ZBTB20: variants seen among roughly 807,000 people sequenced by gnomAD.
The protein encoded by ZBTB20 is zinc finger and BTB domain-containing protein 20.
In ZBTB20, 9 loss-of-function variants were observed where a neutral mutation model predicts 56.9. The observed-to-expected ratio is 0.16, with a 90% CI of 0.10 to 0.28. The LOEUF (loss-of-function observed/expected upper bound fraction) is 0.28, where lower values mean the gene tolerates loss of function less well. Among genes scored for constraint, ZBTB20 ranks in the 10% least tolerant of loss-of-function variants. ZBTB20 has a pLI of 1.00. For synonymous variants in ZBTB20, 417 were observed against 420.7 expected (o/e 0.99, Z 0.11); for missense variants, 655 against 1,003.0 (o/e 0.65, Z 4.69).
intron 1 of ZBTB20, among the ~76,000 whole-genome samples, chr3:115,106,585 C>T (rs552837927): frequency 5.9e-5 from 9 of 152,152 alleles, no homozygotes; most frequent in Admixed American, 2.0e-4. Flanking sequence ...TGTATCCCAT[C>T]GGGCCCAAGG....
intron 4 of ZBTB20, among the ~76,000 whole-genome samples, chr3:114,802,824 G>A (rs1578935944): frequency 6.6e-6 from 1 of 151,802 alleles, no homozygotes; most frequent in Admixed American, 6.6e-5. Flanking sequence ...TATGGTTAGC[G>A]AAACAAATTC....
chr3:114,923,662 G>C (rs962749595), intron 3 of ZBTB20, among the ~76,000 whole-genome samples: 6 of 152,042 alleles, frequency 3.9e-5, no homozygotes, highest in African/African-American at 1.4e-4. Context: ...TTGGCAAAGA[G>C]TTTTTGGATA....
At chr3:115,125,172 C>A (rs2084291172) in intron 1 of ZBTB20, among the ~76,000 whole-genome samples, 1 of 151,736 alleles carries the variant, frequency 6.6e-6, no homozygotes, top group Admixed American at 6.6e-5. Flanking sequence ...TAAGACCCCA[C>A]CTCTCCAAAA....
chr3:114,595,542 T>G (rs2056240667), intron 6 of ZBTB20, among the ~76,000 whole-genome samples: 1 of 152,182 alleles, frequency 6.6e-6, no homozygotes. Flanking sequence ...CCATCCAACT[T>G]AGGAGTTACT....
At chr3:115,046,717 T>C (rs1429654537) in intron 2 of ZBTB20, among the ~76,000 whole-genome samples, 1 of 152,206 alleles carries the variant, frequency 6.6e-6, no homozygotes, top group Non-Finnish European at 1.5e-5. Flanking sequence ...AAAAACAACA[T>C]TTCCATTCAT....
chr3:114,873,723 C>T (rs2076093254), intron 4 of ZBTB20, among the ~76,000 whole-genome samples: 1 of 152,014 alleles, frequency 6.6e-6, no homozygotes, highest in African/African-American at 2.4e-5. Context: ...TTTCTAAAAC[C>T]ATGTTCCCAT....
intron 7 of ZBTB20, among the ~76,000 whole-genome samples, chr3:114,479,968 T>C (rs904670312): frequency 1.3e-5 from 2 of 152,246 alleles, no homozygotes; most frequent in African/African-American, 4.8e-5. Context: ...TAGACCTTGA[T>C]GGTACAATGA....
chr3:114,660,968 T>C (rs2060690273), intron 6 of ZBTB20, among the ~76,000 whole-genome samples: 1 of 152,128 alleles, frequency 6.6e-6, no homozygotes, highest in Non-Finnish European at 1.5e-5. Flanking sequence ...CTTTTCCCCA[T>C]TGCCTAGGGG....
At chr3:114,955,687 A>T (rs2077222663) in intron 3 of ZBTB20, among the ~76,000 whole-genome samples, 1 of 152,100 alleles carries the variant, frequency 6.6e-6, no homozygotes, top group African/African-American at 2.4e-5. Context: ...GATAGCTCCA[A>T]AGAGGAAAAG....
chr3:115,138,777 G>A (rs75632161), intron 1 of ZBTB20, among the ~76,000 whole-genome samples: 3,697 of 152,172 alleles, frequency 0.024, 54 homozygotes, highest in Non-Finnish European at 0.031. Context: ...CTCAGTAAAT[G>A]TTGGCTACTA....
At chr3:114,429,910 G>C in intron 7 of ZBTB20, among the ~76,000 whole-genome samples, 1 of 150,110 alleles carries the variant, frequency 6.7e-6, no homozygotes, top group East Asian at 2.0e-4. Context: ...AGCATTTGTT[G>C]ATTTCGGTAT....
At chr3:114,959,746 CACACACTT>C (rs544951104) in intron 3 of ZBTB20, among the ~76,000 whole-genome samples, 1,578 of 151,498 alleles carry the variant, frequency 0.01, 17 homozygotes, top group African/African-American at 0.03. Flanking sequence ...CACACACACA[CACACACTT>C]GGAGACTCTC....
In ZBTB20 at chr3:114,356,135, A is replaced by C. The variant is rs925321825; in HGVS notation, c.200-4257T>G. ...AGTAATGAAAGTCATCATGTATTCT[A>C]AGAGACTGTTCTGCGAGAGCACAAC... On this transcript the variant is annotated intron_variant, in intron 10 of 11. Transcript: ENST00000675478. The C allele has an allele frequency of 2.6e-5, 4 of 152,206 alleles. No individual in the cohort carries two copies. The East Asian group carries it at 7.7e-4, about 29-fold the overall frequency. 9.4% of individuals were successfully genotyped at this position (152,206 alleles called of 1,614,324 possible).
intron 6 of ZBTB20, among the ~76,000 whole-genome samples, chr3:114,543,440 A>G (rs2110121204): frequency 6.6e-6 from 1 of 152,302 alleles, no homozygotes; most frequent in East Asian, 1.9e-4. Flanking sequence ...AGCTGGACCA[A>G]TAAGCTGCAT....
intron 2 of ZBTB20, among the ~76,000 whole-genome samples, chr3:115,026,369 A>G (rs2080424391): frequency 6.6e-6 from 1 of 151,000 alleles, no homozygotes; most frequent in South Asian, 2.1e-4. Flanking sequence ...AACTGTACAA[A>G]TGCTGGACCC....
At chr3:114,866,146 A>G (rs1379063405) in intron 4 of ZBTB20, among the ~76,000 whole-genome samples, 2 of 152,232 alleles carry the variant, frequency 1.3e-5, no homozygotes, top group Admixed American at 1.3e-4. Flanking sequence ...ATGTATTTAA[A>G]TAATAGCTGT....
In ZBTB20 at chr3:114,455,720, A is replaced by G. The variant is rs80027703; in HGVS notation, c.-255+44632T>C. On this transcript the variant is annotated intron_variant, in intron 7 of 11. Transcript: ENST00000675478. ...AGGCACGGCACGATCTCATCTAAAAAGGCAAAAGTTCTGATGCAATATTAG... is the reference window on the plus strand; with the variant it reads ...AGGCACGGCACGATCTCATCTAAAAGGGCAAAAGTTCTGATGCAATATTAG... Among the ~76,000 whole-genome samples the G allele has an allele frequency of 2.8e-3, 426 of 152,262 alleles. 2 individuals carry two copies. The highest frequency in any genetic ancestry group is 9.8e-3 in the African/African-American group (406 of 41,552).
intron 5 of ZBTB20, chr3:114,743,917 T>A (rs2066828086): frequency 6.6e-6 from 1 of 152,170 alleles, no homozygotes; most frequent in African/African-American, 2.4e-5. Flanking sequence ...ATAACCTCAT[T>A]TCTGAATTTC....
chr3:115,091,426 G>C (rs1313514125), intron 1 of ZBTB20, among the ~76,000 whole-genome samples: 7 of 152,042 alleles, frequency 4.6e-5, no homozygotes, highest in African/African-American at 1.2e-4. Flanking sequence ...ACTTAAGTAT[G>C]TTACCCCAAA....
Sources: gnomAD v4.1 joint callset for allele counts (sites outside exome capture counted in the v4.1 genomes callset) on GRCh38, gnomAD v4.1.1 for gene constraint, MANE v1.5 for transcripts, NCBI Gene and HGNC (gene_info 2026-07-23, HGNC 2026-07-21) for gene names.